Variants in NAA11 observed in about 807,000 individuals in gnomAD.
NAA11 encodes the protein N-alpha-acetyltransferase 11.
Under a neutral mutation model 16.1 loss-of-function variants are expected in NAA11, and 15 were observed. That is an observed-to-expected ratio of 0.93 (90% confidence interval 0.62 to 1.44). The LOEUF (loss-of-function observed/expected upper bound fraction) is 1.44, where lower values mean the gene tolerates loss of function less well. Among genes scored for constraint, NAA11 ranks in the 40% most tolerant of loss-of-function variants. The probability of loss-of-function intolerance (pLI) is 0.00; values close to 1 mark genes in which losing one functional copy is unlikely to be tolerated. For missense variants in NAA11, 298 were observed against 291.3 expected (o/e 1.02, Z -0.17); for synonymous variants, 122 against 112.4 (o/e 1.09, Z -0.54).
At position 79,297,653 on chromosome 4, in the gene NAA11, C is replaced by T. The variant is rs1293514299; in HGVS notation, c.*13-3539G>A. On this transcript the variant is annotated intron_variant and NMD_transcript_variant, in intron 1 of 2. Coordinates refer to the NAA11 transcript ENST00000511542. ...ACTCACTCGGGGTATTGCTGACATG[C>T]CAGCCCCCTCATGCCTCAGCCCCCT... is the stretch of plus-strand genomic sequence containing the variant. 2.6e-5 allele frequency among the ~76,000 whole-genome samples: 4 copies of T among 152,304 alleles called. No homozygotes were observed. The East Asian group carries it at 5.8e-4, about 22-fold the overall frequency.
At chr4:79,250,082 C>A (rs1721958772) in intron 2 of NAA11, among the ~76,000 whole-genome samples, 1 of 152,256 alleles carries the variant, frequency 6.6e-6, no homozygotes, top group African/African-American at 2.4e-5. Context: ...GATTGTGTGA[C>A]CCCGCACAGG....
rs1429228750 is a variant in NAA11, at chr4:79,231,001, TA to T, written c.*123-4732del. 3.3e-5 allele frequency among the ~76,000 whole-genome samples: 5 copies of T among 152,054 alleles called. No homozygotes were observed. In the South Asian group the frequency reaches 1.0e-3, roughly 31 times the overall value. On this transcript the variant is annotated intron_variant and NMD_transcript_variant, in intron 2 of 2. Coordinates refer to the NAA11 transcript ENST00000511542. ...TGCACATTTTGTTTATCTTCTTATT[TA>T]ATGTGTATCTTCTCTAAAACACTTC...
the NAA11 span, among the ~76,000 whole-genome samples, chr4:79,157,480 A>AAT: frequency 2.8e-4 from 43 of 151,892 alleles, no homozygotes; most frequent in South Asian, 4.1e-4. Context: ...CATATGATGG[A>AAT]ATATATATAT....
intron 1 of NAA11, chr4:79,298,890 C>T (rs1387856716): frequency 6.6e-6 from 1 of 152,252 alleles, no homozygotes; most frequent in Non-Finnish European, 1.5e-5. Context: ...AGTTTAATAA[C>T]ATGTTCTCCA....
At chr4:79,177,130 GTA>G in the NAA11 span, among the ~76,000 whole-genome samples, 1 of 151,958 alleles carries the variant, frequency 6.6e-6, no homozygotes, top group African/African-American at 2.4e-5. Context: ...CACTCTATAT[GTA>G]TATGTGTGTG....
chr4:79,209,234 A>G, the NAA11 span, among the ~76,000 whole-genome samples: 2 of 152,190 alleles, frequency 1.3e-5, no homozygotes, highest in Non-Finnish European at 2.9e-5. Flanking sequence ...TTAAATTAAT[A>G]TCAGGAAGCA....
At chr4:79,174,361 G>A in the NAA11 span, among the ~76,000 whole-genome samples, 1 of 152,116 alleles carries the variant, frequency 6.6e-6, no homozygotes, top group African/African-American at 2.4e-5. Context: ...CAAAGTGAGA[G>A]GGGGGTGGGA....
chr4:79,249,651 T>C (rs1721948024), intron 2 of NAA11, among the ~76,000 whole-genome samples: 1 of 152,172 alleles, frequency 6.6e-6, no homozygotes, highest in African/African-American at 2.4e-5. Context: ...TTGGTGTCCC[T>C]GAAAGAAAGA....
At chr4:79,192,344 C>T in the NAA11 span, among the ~76,000 whole-genome samples, 3 of 151,162 alleles carry the variant, frequency 2.0e-5, no homozygotes, top group Non-Finnish European at 4.4e-5. Flanking sequence ...CATCATTTAA[C>T]ATTAGGTATA....
At chr4:79,262,329 T>A (rs1722259899) in intron 2 of NAA11, among the ~76,000 whole-genome samples, 1 of 152,168 alleles carries the variant, frequency 6.6e-6, no homozygotes, top group Admixed American at 6.5e-5. Context: ...TTAATGAGTT[T>A]AGAAGAAACA....
In NAA11 at chr4:79,325,545, G is replaced by T. The variant is rs917462124; in HGVS notation, c.333C>A (p.Val111=). 4 of 1,614,144 alleles carry T rather than the reference G, an allele frequency of 2.5e-6. No homozygotes were observed. Among genetic ancestry groups the T allele is most frequent in the Non-Finnish European group, 2.5e-6 (3 of 1,179,980 alleles). ...NFNAKYVSLH[V]RKSNRPALHL... ...GCAAGGCTGGCCGGTTACTCTTCCT[G>T]ACGTGCAGAGACACGTATTTGGCGT... Residue 111 remains valine, a synonymous_variant, in exon 1 of 2, where the codon GTC becomes GTA. Coordinates refer to ENST00000286794, the MANE Select transcript of NAA11 (RefSeq NM_032693.3).
chr4:79,271,720 G>A (rs564418249), intron 2 of NAA11, among the ~76,000 whole-genome samples: 1 of 151,954 alleles, frequency 6.6e-6, no homozygotes, highest in Non-Finnish European at 1.5e-5. Context: ...TTGAAATGTT[G>A]AATTTCTTAC....
chr4:79,297,469 A>G, intron 1 of NAA11, among the ~76,000 whole-genome samples: 1 of 152,104 alleles, frequency 6.6e-6, no homozygotes. Context: ...GCATCTCTGC[A>G]CTTTGCACCC....
At chr4:79,269,818 G>A (rs1394035736) in intron 2 of NAA11, among the ~76,000 whole-genome samples, 3 of 144,726 alleles carry the variant, frequency 2.1e-5, no homozygotes, top group Admixed American at 1.4e-4. Flanking sequence ...TTTTCTTCTA[G>A]GGTTTTTATG....
At chr4:79,248,419 A>G (rs541974389) in intron 2 of NAA11, among the ~76,000 whole-genome samples, 79 of 152,012 alleles carry the variant, frequency 5.2e-4, no homozygotes, top group Non-Finnish European at 9.6e-4. Context: ...ATTTGCATAT[A>G]CACCCCACCA....
At chr4:79,292,374 A>C (rs1449018788) in intron 2 of NAA11, among the ~76,000 whole-genome samples, 1 of 152,166 alleles carries the variant, frequency 6.6e-6, no homozygotes, top group Non-Finnish European at 1.5e-5. Context: ...GACATCTCCA[A>C]ACTGATTTTT....
the NAA11 span, among the ~76,000 whole-genome samples, chr4:79,192,927 G>T: frequency 6.6e-6 from 1 of 152,130 alleles, no homozygotes; most frequent in South Asian, 2.1e-4. Flanking sequence ...ATTCTAACTG[G>T]TATGAGATGA....
At chr4:79,306,189 C>T (rs895183111) in intron 1 of NAA11, among the ~76,000 whole-genome samples, 1 of 152,166 alleles carries the variant, frequency 6.6e-6, no homozygotes, top group African/African-American at 2.4e-5. Context: ...TCTTCATTTC[C>T]TTATTTATCT....
chr4:79,298,252 A>C (rs1228565763), intron 1 of NAA11, among the ~76,000 whole-genome samples: 2 of 152,180 alleles, frequency 1.3e-5, no homozygotes, highest in African/African-American at 4.8e-5. Context: ...TTGTCTGCAT[A>C]TCTCATTCTT....
Sources: allele counts gnomAD v4.1 joint callset (sites outside exome capture counted in the v4.1 genomes callset), GRCh38; gene constraint gnomAD v4.1.1; transcripts MANE v1.5; gene names NCBI Gene and HGNC (gene_info 2026-07-23, HGNC 2026-07-21).